PRKG1: variants seen among roughly 807,000 people sequenced by gnomAD.
PRKG1 encodes the protein protein kinase cGMP-dependent 1, also known as cGMP-dependent protein kinase 1.
PRKG1 carries 35 observed loss-of-function variants against 88.1 expected under a neutral mutation model. That is an observed-to-expected ratio of 0.40 (90% CI 0.30 to 0.53). The LOEUF (loss-of-function observed/expected upper bound fraction) is 0.53, where lower values mean the gene tolerates loss of function less well. Ranked by LOEUF, PRKG1 falls within the 20% of genes least tolerant of loss-of-function variation. The pLI, the probability that PRKG1 is intolerant of heterozygous loss-of-function variation, is 0.59. For missense variants in PRKG1, 540 were observed against 839.8 expected, an observed-to-expected ratio of 0.64 and a Z score of 4.41; for synonymous variants, 303 against 292.5, an observed-to-expected ratio of 1.04 and a Z score of -0.37.
chr10:51,165,370 G>A (rs1420851930), intron 2 of PRKG1, among the ~76,000 whole-genome samples: 1 of 151,820 alleles, frequency 6.6e-6, no homozygotes, highest in African/African-American at 2.4e-5. Flanking sequence ...TCACCACCAG[G>A]CCTGCCCTAA....
At position 52,043,975 on chromosome 10, in the gene PRKG1, G is replaced by C. The variant is rs181641062; in HGVS notation, c.763-10509G>C. On this transcript the variant is annotated intron_variant, in intron 5 of 17. Transcript: ENST00000373980. ...TTCAGCCCAGGTTATCCCTTTCTTT[G>C]TCTGATATTCAGGGTAAGGATTCAG... 2.1e-4 allele frequency among the ~76,000 whole-genome samples: 32 copies of C among 149,342 alleles called. No individual in the cohort carries two copies. In the East Asian group the frequency reaches 5.5e-3, roughly 26 times the overall value.
At chr10:52,165,091 C>G (rs1364364439) in intron 9 of PRKG1, among the ~76,000 whole-genome samples, 4 of 152,054 alleles carry the variant, frequency 2.6e-5, no homozygotes, top group Non-Finnish European at 4.4e-5. Flanking sequence ...TCTAGTGAGG[C>G]TGATAATATG....
At chr10:51,082,168 T>C (rs1844128094) in intron 1 of PRKG1, among the ~76,000 whole-genome samples, 3 of 152,164 alleles carry the variant, frequency 2.0e-5, no homozygotes, top group Admixed American at 6.5e-5. Flanking sequence ...GTGAAGCAAC[T>C]TGCCCACAGT....
chr10:51,838,880 A>T (rs1349828116), intron 4 of PRKG1, among the ~76,000 whole-genome samples: 1 of 152,186 alleles, frequency 6.6e-6, no homozygotes, highest in African/African-American at 2.4e-5. Context: ...GAGATAGACC[A>T]ATTTTTCCAG....
At chr10:51,150,514 A>G (rs2131970302) in intron 1 of PRKG1, among the ~76,000 whole-genome samples, 1 of 152,280 alleles carries the variant, frequency 6.6e-6, no homozygotes, top group Non-Finnish European at 1.5e-5. Context: ...GGGTTGTACT[A>G]CACAGAGGCA....
intron 8 of PRKG1, among the ~76,000 whole-genome samples, chr10:52,158,865 AAAG>A (rs1838198441): frequency 1.3e-5 from 2 of 151,516 alleles, no homozygotes. Flanking sequence ...GAGTATGAAT[AAAG>A]ATACTTGTGT....
At chr10:51,332,536 G>A (rs1841767988) in intron 2 of PRKG1, among the ~76,000 whole-genome samples, 1 of 152,164 alleles carries the variant, frequency 6.6e-6, no homozygotes, top group Non-Finnish European at 1.5e-5. Flanking sequence ...TATTCAATGG[G>A]CAGTTGGGTT....
Position 51,501,795 on chromosome 10 carries a change from T to C in PRKG1, c.592+33959T>C, listed in dbSNP as rs886754673. On this transcript the variant is annotated intron_variant, in intron 3 of 17. Transcript: ENST00000373980. ...AATTCACCCAACTTTAGTTTCTTTT[T>C]TTTTTTTTTTTTTTGTCAGTTTTGG... is the stretch of plus-strand genomic sequence containing the variant. 2.0e-5 allele frequency among the ~76,000 whole-genome samples: 3 copies of C among 149,328 alleles called. 1 individual carries two copies. Among genetic ancestry groups the C allele is most frequent in the Non-Finnish European group, 4.5e-5 (3 of 67,354 alleles).
intron 3 of PRKG1, among the ~76,000 whole-genome samples, chr10:51,594,508 G>C (rs1302082308): frequency 6.6e-6 from 1 of 152,188 alleles, no homozygotes; most frequent in Non-Finnish European, 1.5e-5. Context: ...AGTGCAATGT[G>C]CAAAATTACA....
At chr10:52,056,530 G>A (rs1248290570) in intron 6 of PRKG1, among the ~76,000 whole-genome samples, 10 of 152,192 alleles carry the variant, frequency 6.6e-5, no homozygotes. Flanking sequence ...GTAAGTATAA[G>A]TAGAAAAAGT....
chr10:52,238,872 A>G (rs1364417625), intron 9 of PRKG1, among the ~76,000 whole-genome samples: 39 of 148,682 alleles, frequency 2.6e-4, no homozygotes, highest in African/African-American at 5.2e-4. Context: ...ACATGCACAC[A>G]TATGTTTATT....
intron 3 of PRKG1, among the ~76,000 whole-genome samples, chr10:51,564,543 G>A (rs1358061911): frequency 6.6e-6 from 1 of 152,010 alleles, no homozygotes; most frequent in African/African-American, 2.4e-5. Context: ...AGAATGGCAC[G>A]TTTGGAAGTT....
At chr10:51,417,433 G>A (rs937345415) in intron 2 of PRKG1, among the ~76,000 whole-genome samples, 27 of 152,170 alleles carry the variant, frequency 1.8e-4, no homozygotes, top group African/African-American at 4.1e-4. Flanking sequence ...AATAATATGC[G>A]CAAGGGACAC....
chr10:51,736,605 C>CTT (rs555514944), intron 3 of PRKG1, among the ~76,000 whole-genome samples: 3,159 of 137,638 alleles, frequency 0.023, 141 homozygotes, highest in African/African-American at 0.079. Flanking sequence ...ATCCATCTTA[C>CTT]TTTTTTTTTT....
intron 1 of PRKG1, among the ~76,000 whole-genome samples, chr10:51,115,376 T>TATATATATATATATAC (rs1187879288): frequency 5.0e-5 from 4 of 80,736 alleles, no homozygotes; most frequent in African/African-American, 1.4e-4. Context: ...TTTAAACATA[T>TATATATATATATATAC]ATATATATAA....
intron 7 of PRKG1, among the ~76,000 whole-genome samples, chr10:52,124,932 G>C (rs1476984876): frequency 6.6e-6 from 1 of 152,094 alleles, no homozygotes; most frequent in East Asian, 1.9e-4. Flanking sequence ...AGGTCTTCAG[G>C]GGCAATAACA....
chr10:52,144,861 T>C (rs949697060), intron 8 of PRKG1, among the ~76,000 whole-genome samples: 2 of 152,152 alleles, frequency 1.3e-5, no homozygotes, highest in African/African-American at 4.8e-5. Context: ...TAGTCTAAAG[T>C]AGATTTTTAT....
At chr10:52,072,854 G>A (rs906874582) in intron 7 of PRKG1, among the ~76,000 whole-genome samples, 11 of 152,020 alleles carry the variant, frequency 7.2e-5, no homozygotes, top group Admixed American at 2.0e-4. Context: ...CCAGTCTTCC[G>A]CACTTTTTAT....
intron 3 of PRKG1, among the ~76,000 whole-genome samples, chr10:51,523,717 T>C (rs1841797598): frequency 1.3e-5 from 2 of 152,224 alleles, no homozygotes; most frequent in South Asian, 4.1e-4. Context: ...ATCTGGCCTC[T>C]GCTTTCTCTA....
Sources: gnomAD v4.1 joint callset for allele counts (sites outside exome capture counted in the v4.1 genomes callset) on GRCh38, gnomAD v4.1.1 for gene constraint, MANE v1.5 for transcripts, NCBI Gene and HGNC (gene_info 2026-07-23, HGNC 2026-07-21) for gene names.